The following DOP1B variants were observed in gnomAD, a reference collection of about 807,000 sequenced individuals.
DOP1B encodes DOP1 leucine zipper like protein B, also known as protein DOP1B.
A neutral mutation model predicts 233.5 loss-of-function variants in DOP1B; 174 were observed. That is an observed-to-expected ratio of 0.75 (90% CI 0.66 to 0.85). The LOEUF is 0.85. DOP1B is among the 40% of genes least tolerant of loss of function. DOP1B has a pLI of 0.00. For synonymous variants in DOP1B, 1,190 were observed against 1,185.6 expected, an observed-to-expected ratio of 1.00 and a Z score of -0.08; for missense variants, 2,652 against 2,846.6, an observed-to-expected ratio of 0.93 and a Z score of 1.56.
At chr21:36,206,453 C>G (rs1176918947) in intron 4 of DOP1B, among the ~76,000 whole-genome samples, 1 of 151,664 alleles carries the variant, frequency 6.6e-6, no homozygotes, top group Non-Finnish European at 1.5e-5. Flanking sequence ...TTGATTGAGC[C>G]CAGGAGGTCA....
intron 2 of DOP1B, among the ~76,000 whole-genome samples, chr21:36,185,408 C>G (rs1750657248): frequency 6.6e-6 from 1 of 152,190 alleles, no homozygotes; most frequent in Admixed American, 6.5e-5. Flanking sequence ...ACTGTTAGCT[C>G]TTAGACCCCC....
At chr21:36,180,261 C>T (rs2066080934) in intron 2 of DOP1B, among the ~76,000 whole-genome samples, 2 of 152,104 alleles carry the variant, frequency 1.3e-5, no homozygotes, top group South Asian at 4.1e-4. Flanking sequence ...TGGTAGTTTC[C>T]ATCATTCATT....
intron 22 of DOP1B, among the ~76,000 whole-genome samples, chr21:36,251,520 A>G (rs1165695716): frequency 1.3e-5 from 2 of 152,114 alleles, no homozygotes; most frequent in Non-Finnish European, 2.9e-5. Context: ...CCTGGGTTCA[A>G]GTCATTCTCC....
chr21:36,224,232 C>G (rs983624675), intron 11 of DOP1B, among the ~76,000 whole-genome samples: 1 of 151,954 alleles, frequency 6.6e-6, no homozygotes, highest in Non-Finnish European at 1.5e-5. Context: ...TCACTGCAAC[C>G]TCTGCCTCCC....
chr21:36,217,095 G>C (rs907807281), intron 9 of DOP1B, among the ~76,000 whole-genome samples: 1 of 137,786 alleles, frequency 7.3e-6, no homozygotes, highest in Non-Finnish European at 1.6e-5. Context: ...AAAAAAAAAA[G>C]AGAGCTGAGG....
At chr21:36,252,999 G>A (rs777128148) in intron 22 of DOP1B, among the ~76,000 whole-genome samples, 1 of 152,144 alleles carries the variant, frequency 6.6e-6, no homozygotes, top group Non-Finnish European at 1.5e-5. Flanking sequence ...GCAGACATGG[G>A]CGCCTGTTCT....
chr21:36,276,469 T>C (rs1390113110), intron 27 of DOP1B, among the ~76,000 whole-genome samples: 1 of 151,930 alleles, frequency 6.6e-6, no homozygotes, highest in East Asian at 1.9e-4. Context: ...AGGTCAAGGA[T>C]AGAGTGAGCC....
chr21:36,241,066 A>C (rs1165826141), intron 18 of DOP1B, among the ~76,000 whole-genome samples: 4 of 152,100 alleles, frequency 2.6e-5, no homozygotes, highest in Non-Finnish European at 4.4e-5. Flanking sequence ...AGGCTGAGGC[A>C]GGCAGATCGT....
intron 35 of DOP1B, among the ~76,000 whole-genome samples, chr21:36,290,476 C>A (rs1163813655): frequency 6.6e-6 from 1 of 151,260 alleles, no homozygotes. Context: ...GCCCGGCCAA[C>A]ATGGTGAAAA....
intron 22 of DOP1B, among the ~76,000 whole-genome samples, chr21:36,252,930 C>T (rs1466294552): frequency 1.3e-5 from 2 of 152,198 alleles, no homozygotes. Flanking sequence ...CTGCTCCATC[C>T]CCTGCTCGGG....
chr21:36,180,342 GC>G (rs2066082268), intron 2 of DOP1B, among the ~76,000 whole-genome samples: 1 of 152,306 alleles, frequency 6.6e-6, no homozygotes, highest in East Asian at 1.9e-4. Context: ...GCTGAGGCAG[GC>G]AGATCACCTG....
At chr21:36,281,290 T>A (rs1479085528) in intron 31 of DOP1B, among the ~76,000 whole-genome samples, 193 bp from the exon 32 acceptor site, 2 of 152,192 alleles carry the variant, frequency 1.3e-5, no homozygotes, top group African/African-American at 4.8e-5. Context: ...AATGAGATCC[T>A]GTCTCAAATA....
At chr21:36,244,059 C>CT (rs1487612513) in intron 18 of DOP1B, among the ~76,000 whole-genome samples, 2 of 121,858 alleles carry the variant, frequency 1.6e-5, no homozygotes, top group African/African-American at 6.3e-5. Flanking sequence ...CAGAGTCTCA[C>CT]TCTGTTGCCT....
In DOP1B at chr21:36,278,285, G is replaced by C; in HGVS notation, c.5899G>C (p.Ala1967Pro). The C allele has an allele frequency of 6.2e-7, 1 of 1,614,152 alleles. No individual in the cohort carries two copies. Among genetic ancestry groups the C allele is most frequent in the Non-Finnish European group, 8.5e-7 (1 of 1,180,048 alleles). ...SLSGYAYTKR[A>P]WRKEVLELFL... ...GAGTGGCTATGCCTACACAAAGCGAGCCTGGAGGAAGGAGGTCCTGGAGCT... is the reference window on the plus strand; with the variant it reads ...GAGTGGCTATGCCTACACAAAGCGACCCTGGAGGAAGGAGGTCCTGGAGCT... The change falls in exon 30 of 37, where the codon GCC becomes CCC. Residue 1967 changes from alanine to proline, a missense_variant. Physicochemically the swap from Ala to Pro is conservative, Grantham distance 27. This residue lies in a region of DOP1B where 2,617 missense variants were observed against 2,794.3 expected (regional missense o/e 0.94). Transcript: ENST00000691173.
rs1484583655 is a variant in DOP1B, at chr21:36,230,549, A to G, written c.1765A>G (p.Ser589Gly). 9 of 1,614,120 alleles carry G rather than the reference A, an allele frequency of 5.6e-6. No homozygotes were observed. The highest frequency in any genetic ancestry group is 3.3e-5 in the Admixed American group (2 of 60,002). ...ASFPPLKSEDSGIGLSASSPE... is the reference protein window; with the variant it reads ...ASFPPLKSEDGGIGLSASSPE... The stretch of plus-strand genomic sequence containing the variant: ...GTTTCCCCCTCTGAAGTCTGAGGAC[A>G]GTGGGATCGGGCTCAGTGCCTCGTC... The change falls in exon 14 of 37, where the codon AGT becomes GGT. Residue 589 changes from serine to glycine, a missense_variant. By Grantham distance (56) the Ser-to-Gly change is moderately conservative. Coordinates refer to ENST00000691173, the MANE Select transcript of DOP1B (RefSeq NM_001320714.2).
At chr21:36,237,209 G>T in intron 15 of DOP1B, 53 bp from the exon 16 acceptor site, 1 of 1,611,868 alleles carries the variant, frequency 6.2e-7, no homozygotes, top group Non-Finnish European at 8.5e-7. Flanking sequence ...GATGTGAGCG[G>T]ATGTTGCCTG....
At chr21:36,211,163 T>C (rs1402831228) in intron 5 of DOP1B, among the ~76,000 whole-genome samples, 1 of 152,256 alleles carries the variant, frequency 6.6e-6, no homozygotes, top group Non-Finnish European at 1.5e-5. Flanking sequence ...TATGCATCTC[T>C]AGTCTACCTA....
At chr21:36,253,042 C>T (rs1039330868) in intron 22 of DOP1B, among the ~76,000 whole-genome samples, 6 of 152,194 alleles carry the variant, frequency 3.9e-5, no homozygotes, top group Non-Finnish European at 7.3e-5. Context: ...TGTCCAAGGC[C>T]ACCCTCCTGA....
intron 13 of DOP1B, 151 bp from the exon 14 acceptor site, chr21:36,230,299 T>G (rs2066744772): frequency 9.5e-7 from 1 of 1,054,906 alleles, no homozygotes; most frequent in African/African-American, 1.6e-5. Flanking sequence ...GGGTGCCTCC[T>G]AAATTTCATT....
Sources: gnomAD v4.1 joint callset for allele counts (sites outside exome capture counted in the v4.1 genomes callset) on GRCh38, gnomAD v4.1.1 for gene constraint, gnomAD v4.1.1 regional missense constraint, MANE v1.5 for transcripts, NCBI Gene and HGNC (gene_info 2026-07-23, HGNC 2026-07-21) for gene names.